Variants in EPB41 observed in about 807,000 individuals in gnomAD.
EPB41 encodes protein 4.1.
A neutral mutation model predicts 108.0 loss-of-function variants in EPB41; 65 were observed. That is an observed-to-expected ratio of 0.60 (90% CI 0.49 to 0.74). The LOEUF (loss-of-function observed/expected upper bound fraction) is 0.74, where lower values mean the gene tolerates loss of function less well. Among genes scored for constraint, EPB41 ranks in the 30% least tolerant of loss-of-function variants. The pLI, the probability that EPB41 is intolerant of heterozygous loss-of-function variation, is 0.00. For synonymous variants in EPB41, 336 were observed against 358.9 expected (o/e 0.94, Z 0.72); for missense variants, 875 against 1,037.0 (o/e 0.84, Z 2.15).
Position 29,118,283 on chromosome 1 carries a change from A to AT in EPB41, c.*1476dup, listed in dbSNP as rs1026344917. On this transcript the variant is annotated 3_prime_UTR_variant, in exon 21 of 21. Transcript: ENST00000343067. ...CCACCACGCCCAGCAAATTTTTTGTATTTTTAGTAGAAACGGGATTTCACC... is the reference window on the plus strand; with the variant it reads ...CCACCACGCCCAGCAAATTTTTTGTATTTTTTAGTAGAAACGGGATTTCACC... 3 of 152,050 alleles carry AT rather than the reference A, an allele frequency of 2.0e-5. No homozygotes were observed. The highest frequency in any genetic ancestry group is 7.2e-5 in the African/African-American group (3 of 41,390). 9.4% of individuals were successfully genotyped at this position (152,050 alleles called of 1,614,324 possible).
intron 15 of EPB41, 44 bp downstream of exon 15, chr1:29,060,528 C>T (rs1489322805): frequency 1.3e-6 from 2 of 1,534,348 alleles, no homozygotes; most frequent in East Asian, 4.5e-5. Flanking sequence ...TGCCTGGAAC[C>T]TTCTGCATTC....
intron 1 of EPB41, among the ~76,000 whole-genome samples, chr1:28,937,434 G>A (rs971630303): frequency 2.0e-5 from 3 of 151,894 alleles, no homozygotes; most frequent in Admixed American, 6.6e-5. Context: ...CGCTCTTGTC[G>A]CCCAGGCTGG....
intron 5 of EPB41, among the ~76,000 whole-genome samples, chr1:29,013,494 GT>G (rs1416755064): frequency 6.6e-6 from 1 of 152,122 alleles, no homozygotes; most frequent in East Asian, 1.9e-4. Context: ...AAAGGTGGGG[GT>G]TTTTTAAATT....
intron 16 of EPB41, among the ~76,000 whole-genome samples, chr1:29,067,437 A>C (rs550204469): frequency 8.6e-5 from 12 of 139,282 alleles, no homozygotes; most frequent in Non-Finnish European, 1.1e-4. Flanking sequence ...CGGAGCTTGC[A>C]GTGAGCCGAG....
chr1:29,004,924 CTT>C (rs891259914), intron 4 of EPB41, among the ~76,000 whole-genome samples: 11 of 152,006 alleles, frequency 7.2e-5, no homozygotes, highest in African/African-American at 2.2e-4. Flanking sequence ...GTATAAATCT[CTT>C]ATGTGTATGC....
intron 1 of EPB41, among the ~76,000 whole-genome samples, chr1:28,922,662 C>G (rs2093181946): frequency 1.4e-5 from 2 of 144,164 alleles, no homozygotes; most frequent in African/African-American, 5.2e-5. Flanking sequence ...GAGTCTCACT[C>G]TGTTGCTCAG....
intron 11 of EPB41, among the ~76,000 whole-genome samples, chr1:29,045,167 G>T (rs1642792377): frequency 6.6e-6 from 1 of 152,046 alleles, no homozygotes; most frequent in South Asian, 2.1e-4. Context: ...GGATTTAGTT[G>T]ATTATATGGA....
chr1:28,996,752 A>G (rs1305277871), intron 3 of EPB41, among the ~76,000 whole-genome samples: 2 of 152,216 alleles, frequency 1.3e-5, no homozygotes, highest in East Asian at 3.8e-4. Flanking sequence ...TAAACTATGT[A>G]GCCACCTGAA....
chr1:28,936,022 GTT>G (rs1029799910), intron 1 of EPB41, among the ~76,000 whole-genome samples: 2 of 151,956 alleles, frequency 1.3e-5, no homozygotes, highest in Non-Finnish European at 2.9e-5. Flanking sequence ...ATTATTAAAA[GTT>G]TGTCTCTCAT....
In EPB41 at chr1:29,050,966, C is replaced by T. The variant is rs112646071; in HGVS notation, c.1637-2138C>T. On this transcript the variant is annotated intron_variant, in intron 11 of 20. Coordinates refer to ENST00000343067, the MANE Select transcript of EPB41 (RefSeq NM_001376013.1). Reference sequence around the variant, plus strand: ...CTGGGATTATAGGCGTGAGCCACCACGCCTGGCTGATAAAGGGGATTCTTG... The same window carrying T: ...CTGGGATTATAGGCGTGAGCCACCATGCCTGGCTGATAAAGGGGATTCTTG... Among the ~76,000 whole-genome samples, 1,295 of 151,608 alleles carry T rather than the reference C, an allele frequency of 8.5e-3. 23 individuals are homozygous for T. The highest frequency in any genetic ancestry group is 0.03 in the African/African-American group (1,221 of 41,326).
intron 1 of EPB41, among the ~76,000 whole-genome samples, chr1:28,973,584 A>G (rs926353822): frequency 2.0e-5 from 3 of 152,034 alleles, no homozygotes; most frequent in Admixed American, 2.0e-4. Context: ...TTTTAGAAAC[A>G]GGATCTTGCT....
In EPB41 at chr1:29,065,422, G is replaced by A. The variant is rs1647179694; in HGVS notation, c.2184+264G>A. The A allele has an allele frequency of 7.9e-6, 3 of 381,684 alleles. No individual in the cohort carries two copies. The South Asian group carries it at 2.0e-4, about 25-fold the overall frequency. The allele number at this position is 381,684 out of a possible 1,614,324, so 23.6% of individuals were successfully genotyped here. A position where few individuals can be genotyped will look rare whatever the true frequency, so the allele number is the denominator to read the frequency against. On this transcript the variant is annotated intron_variant, in intron 16 of 20. Transcript: ENST00000343067. Reference sequence around the variant, plus strand: ...ACTGTCTCTGCAGCTACATGCTTCTGGCTAATGTATGTTTATAAACTGACC... The same window carrying A: ...ACTGTCTCTGCAGCTACATGCTTCTAGCTAATGTATGTTTATAAACTGACC...
chr1:28,955,788 G>T (rs1258406795), intron 1 of EPB41, among the ~76,000 whole-genome samples: 2 of 152,188 alleles, frequency 1.3e-5, no homozygotes, highest in Non-Finnish European at 2.9e-5. Context: ...ACAGTGAAGG[G>T]AATGGAGAAT....
chr1:28,924,251 C>A (rs147080386), intron 1 of EPB41, among the ~76,000 whole-genome samples: 7 of 152,172 alleles, frequency 4.6e-5, no homozygotes, highest in African/African-American at 1.7e-4. Flanking sequence ...AGCCCCTGGC[C>A]GGGTGCGTGG....
Position 29,053,304 on chromosome 1 carries a change from G to C in EPB41, c.1837G>C (p.Ala613Pro). ...PEQAEPEPTE[A>P]WKVEKTHIEV... ...GCAAGCTGAGCCAGAGCCCACAGAAGCATGGAAGGTATGTCATCAGTCCAA... is the reference window on the plus strand; with the variant it reads ...GCAAGCTGAGCCAGAGCCCACAGAACCATGGAAGGTATGTCATCAGTCCAA... The change falls in exon 12 of 21, where the codon GCA becomes CCA. Residue 613 changes from alanine to proline, a missense_variant. Ala to Pro is a conservative substitution (Grantham distance 27). This residue lies in a region of EPB41 where 519 missense variants were observed against 627.3 expected (regional missense o/e 0.83). Transcript: ENST00000343067. The C allele has an allele frequency of 6.2e-7, 1 of 1,614,212 alleles. No individual in the cohort carries two copies. Among genetic ancestry groups the C allele is most frequent in the Non-Finnish European group, 8.5e-7 (1 of 1,180,032 alleles).
intron 7 of EPB41, among the ~76,000 whole-genome samples, chr1:29,019,018 G>C (rs1469234344): frequency 6.6e-6 from 1 of 152,148 alleles, no homozygotes; most frequent in African/African-American, 2.4e-5. Context: ...TTCCAACCTT[G>C]TGACCTTAGG....
intron 1 of EPB41, among the ~76,000 whole-genome samples, chr1:28,958,899 A>G (rs1273173711): frequency 1.3e-5 from 2 of 151,970 alleles, no homozygotes; most frequent in Non-Finnish European, 2.9e-5. Flanking sequence ...ATATTTAAGT[A>G]AATAAAGATG....
intron 3 of EPB41, among the ~76,000 whole-genome samples, chr1:28,995,391 G>A (rs1394647411): frequency 2.0e-5 from 3 of 152,010 alleles, no homozygotes; most frequent in African/African-American, 4.8e-5. Context: ...GTGAAACCCC[G>A]TCTCTACTAA....
intron 16 of EPB41, chr1:29,069,375 G>GA (rs1650136628): frequency 3.3e-6 from 4 of 1,230,072 alleles, no homozygotes; most frequent in South Asian, 4.2e-5. Flanking sequence ...CAATTGGGGA[G>GA]AAAAAACTTT....
Sources: allele counts gnomAD v4.1 joint callset (sites outside exome capture counted in the v4.1 genomes callset), GRCh38; gene constraint gnomAD v4.1.1; regional missense constraint gnomAD v4.1.1; transcripts MANE v1.5; gene names NCBI Gene and HGNC (gene_info 2026-07-23, HGNC 2026-07-21).